Variants in MB21D2 observed in about 807,000 individuals in gnomAD.
MB21D2 encodes the protein Mab-21 domain containing 2, also known as nucleotidyltransferase MB21D2.
MB21D2 carries 9 observed loss-of-function variants against 33.3 expected under a neutral mutation model. The ratio of observed to expected loss-of-function variants is 0.27; its 90% confidence interval spans 0.16 to 0.47. MB21D2 has a LOEUF of 0.47. Ranked by LOEUF, MB21D2 falls within the 20% of genes least tolerant of loss-of-function variation. MB21D2 has a pLI of 0.99. For missense variants in MB21D2, 540 were observed against 624.6 expected, an observed-to-expected ratio of 0.86 and a Z score of 1.44; for synonymous variants, 241 against 236.3, an observed-to-expected ratio of 1.02 and a Z score of -0.18.
intron 1 of MB21D2, among the ~76,000 whole-genome samples, chr3:192,822,756 C>T (rs148764155): frequency 2.0e-5 from 3 of 152,176 alleles, no homozygotes; most frequent in Admixed American, 6.5e-5. Flanking sequence ...GTAACTGCTT[C>T]CTTGTATGGA....
At chr3:192,890,537 T>C (rs1381613800) in intron 1 of MB21D2, among the ~76,000 whole-genome samples, 2 of 151,166 alleles carry the variant, frequency 1.3e-5, no homozygotes, top group South Asian at 2.1e-4. Context: ...GATAATTTTC[T>C]AGGTATAGAA....
chr3:192,840,415 C>CT lies in MB21D2; in HGVS notation c.212-40766dup, dbSNP rs71177380. On this transcript the variant is annotated intron_variant, in intron 1 of 1. Transcript: ENST00000392452. ...TGACAAAGACTTTTTTCTCTTTTTT[C>CT]TTTTTTTTTTTTTTTTTTTTTTTTT... is the stretch of plus-strand genomic sequence containing the variant. Among the ~76,000 whole-genome samples the CT allele has an allele frequency of 8.0e-3, 703 of 88,286 alleles. 5 individuals are homozygous for CT. The highest frequency in any genetic ancestry group is 0.012 in the Non-Finnish European group (571 of 48,050). 57.9% of individuals were successfully genotyped at this position (88,286 alleles called of 152,430 possible).
chr3:192,840,426 T>C (rs1314839963), intron 1 of MB21D2, among the ~76,000 whole-genome samples: 1 of 141,560 alleles, frequency 7.1e-6, no homozygotes, highest in Non-Finnish European at 1.5e-5. Flanking sequence ...TTTTTTTTTT[T>C]TTTTTTTTTT....
chr3:192,912,143 T>C (rs1227249596), intron 1 of MB21D2, among the ~76,000 whole-genome samples: 1 of 152,184 alleles, frequency 6.6e-6, no homozygotes, highest in Non-Finnish European at 1.5e-5. Flanking sequence ...ATGGCACTTA[T>C]TGGCCTGAAA....
At chr3:192,859,970 T>G (rs1046920003) in intron 1 of MB21D2, among the ~76,000 whole-genome samples, 3 of 152,202 alleles carry the variant, frequency 2.0e-5, no homozygotes, top group African/African-American at 7.2e-5. Flanking sequence ...GCAGAAAGGA[T>G]GCAGAATGAA....
At chr3:192,853,405 G>A (rs1712849562) in intron 1 of MB21D2, among the ~76,000 whole-genome samples, 1 of 152,194 alleles carries the variant, frequency 6.6e-6, no homozygotes, top group African/African-American at 2.4e-5. Flanking sequence ...GGACACCTAT[G>A]CAGTTTCAGC....
At chr3:192,812,620 A>G (rs2108612737) in intron 1 of MB21D2, among the ~76,000 whole-genome samples, 1 of 152,296 alleles carries the variant, frequency 6.6e-6, no homozygotes. Context: ...AGGGACTCAT[A>G]TCACATTCTC....
intron 1 of MB21D2, among the ~76,000 whole-genome samples, chr3:192,812,246 C>A (rs1711805096): frequency 6.6e-6 from 1 of 152,108 alleles, no homozygotes; most frequent in Non-Finnish European, 1.5e-5. Flanking sequence ...CAGGGTTTCA[C>A]CATGTTGGTC....
intron 1 of MB21D2, among the ~76,000 whole-genome samples, chr3:192,901,675 T>G (rs1419002517): frequency 6.6e-6 from 1 of 152,194 alleles, no homozygotes; most frequent in Admixed American, 6.5e-5. Context: ...CATTAGTCAC[T>G]TTTTAGTCAC....
intron 1 of MB21D2, among the ~76,000 whole-genome samples, chr3:192,844,059 G>T (rs547659870): frequency 6.6e-6 from 1 of 152,126 alleles, no homozygotes; most frequent in Non-Finnish European, 1.5e-5. Context: ...TCCAGGTTTT[G>T]ATTTCTGCTC....
intron 1 of MB21D2, among the ~76,000 whole-genome samples, chr3:192,810,496 C>A (rs1320930408): frequency 6.6e-6 from 1 of 152,164 alleles, no homozygotes; most frequent in Non-Finnish European, 1.5e-5. Context: ...AAAGGACTTA[C>A]AAACTATCAC....
intron 1 of MB21D2, among the ~76,000 whole-genome samples, chr3:192,845,479 A>G (rs1712661465): frequency 6.6e-6 from 1 of 152,208 alleles, no homozygotes; most frequent in South Asian, 2.1e-4. Flanking sequence ...ATCCTCATCT[A>G]TGCTCCTATG....
rs201114331 is a variant in MB21D2, at chr3:192,908,399, C to CTT, written c.211+9229_211+9230dup. ...AAACACAGGAAAGGTAAATTTTCTTCTTTTTTTTTTTTTTTTTGAGACAGA... is the reference window on the plus strand; with the variant it reads ...AAACACAGGAAAGGTAAATTTTCTTCTTTTTTTTTTTTTTTTTTTGAGACAGA... On this transcript the variant is annotated intron_variant, in intron 1 of 1. Transcript: ENST00000392452. Among the ~76,000 whole-genome samples, 1,029 of 137,896 alleles carry CTT rather than the reference C, an allele frequency of 7.5e-3. 6 individuals carry two copies. The highest frequency in any genetic ancestry group is 0.012 in the Non-Finnish European group (758 of 62,606). 90.5% of individuals were successfully genotyped at this position (137,896 alleles called of 152,430 possible). A position where few individuals can be genotyped will look rare whatever the true frequency, so the allele number is the denominator to read the frequency against.
intron 1 of MB21D2, among the ~76,000 whole-genome samples, chr3:192,858,949 T>C (rs1321393343): frequency 6.6e-6 from 1 of 152,114 alleles, no homozygotes; most frequent in Non-Finnish European, 1.5e-5. Context: ...TCATACAAAA[T>C]GGAAAAACCT....
intron 1 of MB21D2, among the ~76,000 whole-genome samples, chr3:192,830,540 C>A (rs146143010): frequency 5.3e-5 from 8 of 152,246 alleles, no homozygotes; most frequent in African/African-American, 1.9e-4. Context: ...TTCTGCAAAC[C>A]AACTTCATGA....
At chr3:192,903,305 C>G (rs1201309797) in intron 1 of MB21D2, among the ~76,000 whole-genome samples, 3 of 152,190 alleles carry the variant, frequency 2.0e-5, no homozygotes, top group Non-Finnish European at 4.4e-5. Flanking sequence ...TCAGGATGAT[C>G]AAGTCCCCTT....
At chr3:192,804,517 ATAAT>A (rs1028713070) in intron 1 of MB21D2, among the ~76,000 whole-genome samples, 85 of 152,178 alleles carry the variant, frequency 5.6e-4, no homozygotes, top group Non-Finnish European at 9.6e-4. Context: ...TTTATGTCTT[ATAAT>A]TAAAGTTACA....
chr3:192,841,328 T>C (rs549890092), intron 1 of MB21D2, among the ~76,000 whole-genome samples: 1 of 152,350 alleles, frequency 6.6e-6, no homozygotes, highest in African/African-American at 2.4e-5. Context: ...CACCCTTAAG[T>C]AGTCACCTCT....
At chr3:192,810,925 G>A (rs1711776476) in intron 1 of MB21D2, among the ~76,000 whole-genome samples, 1 of 152,150 alleles carries the variant, frequency 6.6e-6, no homozygotes. Flanking sequence ...GTATGACTTT[G>A]TTGATATCCT....
Sources: allele counts gnomAD v4.1 joint callset (sites outside exome capture counted in the v4.1 genomes callset), GRCh38; gene constraint gnomAD v4.1.1; transcripts MANE v1.5; gene names NCBI Gene and HGNC (gene_info 2026-07-23, HGNC 2026-07-21).